Variants in ZBTB7C observed in about 807,000 individuals in gnomAD.
The protein encoded by ZBTB7C is zinc finger and BTB domain-containing protein 7C.
Under a neutral mutation model 25.7 loss-of-function variants are expected in ZBTB7C, and 8 were observed. The ratio of observed to expected loss-of-function variants is 0.31; its 90% confidence interval spans 0.18 to 0.56. ZBTB7C has a LOEUF of 0.56. ZBTB7C is among the 20% of genes least tolerant of loss of function. The pLI, the probability that ZBTB7C is intolerant of heterozygous loss-of-function variation, is 0.91. For missense variants in ZBTB7C, 824 were observed against 855.2 expected (o/e 0.96, Z 0.46); for synonymous variants, 394 against 369.0 (o/e 1.07, Z -0.78).
chr18:48,180,722 G>A (rs539658694), intron 3 of ZBTB7C, among the ~76,000 whole-genome samples: 18 of 152,296 alleles, frequency 1.2e-4, no homozygotes, highest in African/African-American at 3.9e-4. Context: ...TGAGCTACCA[G>A]GATCAGGTAT....
chr18:48,088,744 C>T (rs1188809558), intron 3 of ZBTB7C, among the ~76,000 whole-genome samples: 4 of 152,080 alleles, frequency 2.6e-5, no homozygotes, highest in Non-Finnish European at 4.4e-5. Context: ...GCACGAGAAT[C>T]GCTCAAACCT....
intron 3 of ZBTB7C, among the ~76,000 whole-genome samples, chr18:48,111,902 A>G (rs949595555): frequency 1.2e-4 from 18 of 152,228 alleles, no homozygotes; most frequent in African/African-American, 4.3e-4. Flanking sequence ...CCAGCCAGCA[A>G]TTCTACTTCT....
chr18:48,153,081 C>T (rs1326965408), intron 3 of ZBTB7C, among the ~76,000 whole-genome samples: 1 of 152,296 alleles, frequency 6.6e-6, no homozygotes, highest in South Asian at 2.1e-4. Flanking sequence ...AGAATCAACC[C>T]CATCTTTGTC....
chr18:48,407,880 T>C (rs2048317608), intron 1 of ZBTB7C, among the ~76,000 whole-genome samples: 1 of 152,056 alleles, frequency 6.6e-6, no homozygotes, highest in Non-Finnish European at 1.5e-5. Context: ...CTGGGAATAA[T>C]GATTTCTTTC....
intron 1 of ZBTB7C, among the ~76,000 whole-genome samples, chr18:48,398,637 C>T (rs2048084616): frequency 6.6e-6 from 1 of 152,128 alleles, no homozygotes; most frequent in African/African-American, 2.4e-5. Flanking sequence ...CTGTTCTCTT[C>T]TCCCATCAAA....
chr18:48,367,175 T>TTATA lies in ZBTB7C; in HGVS notation c.-303-28781_-303-28778dup, dbSNP rs71165321. Among the ~76,000 whole-genome samples, 572 of 61,994 alleles carry TTATA rather than the reference T, an allele frequency of 9.2e-3. 5 individuals are homozygous for TTATA. Among genetic ancestry groups the TTATA allele is most frequent in the Non-Finnish European group, 0.013 (405 of 31,622 alleles). The allele number at this position is 61,994 out of a possible 152,430, so 40.7% of individuals were successfully genotyped here. On this transcript the variant is annotated intron_variant, in intron 1 of 4. Coordinates refer to ENST00000590800, the MANE Select transcript of ZBTB7C (RefSeq NM_001318841.2). ...TTTCCCCTGTTCTTCTCCCCAAGTT[T>TTATA]TATATATATATATATATATATATAT...
intron 2 of ZBTB7C, among the ~76,000 whole-genome samples, chr18:48,230,709 A>C (rs2043227830): frequency 6.6e-6 from 1 of 152,210 alleles, no homozygotes; most frequent in African/African-American, 2.4e-5. Context: ...TGATAGTCCA[A>C]GGCGAAAGGG....
intron 2 of ZBTB7C, among the ~76,000 whole-genome samples, chr18:48,225,666 T>C (rs1032905229): frequency 3.9e-5 from 6 of 152,172 alleles, no homozygotes; most frequent in South Asian, 2.1e-4. Flanking sequence ...GACTCTGTAA[T>C]TTCTGGGCCC....
chr18:48,129,594 A>G (rs1328470360), intron 3 of ZBTB7C, among the ~76,000 whole-genome samples: 1 of 152,218 alleles, frequency 6.6e-6, no homozygotes, highest in Non-Finnish European at 1.5e-5. Flanking sequence ...ATGAAAAACA[A>G]AAAACTCTCA....
In ZBTB7C at chr18:48,045,368, G is replaced by A. The variant is rs181301731; in HGVS notation, c.-16-4245C>T. 9.2e-5 allele frequency among the ~76,000 whole-genome samples: 14 copies of A among 152,354 alleles called. 1 individual carries two copies. In the East Asian group the frequency reaches 9.6e-4, roughly 11 times the overall value. ...GTGGTGGTTTTGGCAAAGCTCTGCC[G>A]GGGGTAAGAAGAGAAGGGGAGAGAA... On this transcript the variant is annotated intron_variant, in intron 3 of 4. Coordinates refer to ENST00000590800, the MANE Select transcript of ZBTB7C (RefSeq NM_001318841.2).
chr18:48,409,922 A>G (rs2048364009), upstream of ZBTB7C, among the ~76,000 whole-genome samples: 1 of 149,130 alleles, frequency 6.7e-6, no homozygotes, highest in South Asian at 2.1e-4. Context: ...ACCCGCCCGC[A>G]CCCCCAGCGC....
intron 3 of ZBTB7C, among the ~76,000 whole-genome samples, chr18:48,184,190 A>G (rs1255260128): frequency 1.3e-5 from 2 of 152,180 alleles, no homozygotes; most frequent in Non-Finnish European, 2.9e-5. Flanking sequence ...AGCCCACGAA[A>G]GCCAGCAACA....
chr18:48,307,494 C>T lies in ZBTB7C; in HGVS notation c.-79+30680G>A, dbSNP rs192197680. Among the ~76,000 whole-genome samples the T allele has an allele frequency of 4.1e-3, 631 of 152,340 alleles. 4 individuals carry two copies. Among genetic ancestry groups the T allele is most frequent in the Non-Finnish European group, 3.8e-3 (259 of 68,036 alleles). On this transcript the variant is annotated intron_variant, in intron 2 of 4. Coordinates refer to ENST00000590800, the MANE Select transcript of ZBTB7C (RefSeq NM_001318841.2). ...TTAGACCTGAGCACTTCCAGCTAGA[C>T]GACTTATGATCATGGTATTTACTGC...
At chr18:48,057,282 T>C (rs2036956562) in intron 3 of ZBTB7C, among the ~76,000 whole-genome samples, 1 of 152,168 alleles carries the variant, frequency 6.6e-6, no homozygotes, top group South Asian at 2.1e-4. Context: ...TATGTTCAAC[T>C]TACATATAGG....
At chr18:48,085,848 G>T (rs973566505) in intron 3 of ZBTB7C, among the ~76,000 whole-genome samples, 3 of 152,032 alleles carry the variant, frequency 2.0e-5, no homozygotes, top group African/African-American at 7.2e-5. Flanking sequence ...GCCCTGCCTG[G>T]CTCCAGCAGC....
At chr18:48,065,249 A>G (rs2037282104) in intron 3 of ZBTB7C, among the ~76,000 whole-genome samples, 1 of 152,164 alleles carries the variant, frequency 6.6e-6, no homozygotes, top group East Asian at 1.9e-4. Flanking sequence ...CTTATTTGCA[A>G]CTATGAACTT....
At chr18:48,261,929 A>G (rs1189786658) in intron 2 of ZBTB7C, among the ~76,000 whole-genome samples, 3 of 152,218 alleles carry the variant, frequency 2.0e-5, no homozygotes, top group South Asian at 4.1e-4. Context: ...CTTGAACTGG[A>G]GCCATCTTAG....
At chr18:48,385,712 A>G (rs375558632) in intron 1 of ZBTB7C, among the ~76,000 whole-genome samples, 3 of 152,226 alleles carry the variant, frequency 2.0e-5, no homozygotes, top group East Asian at 3.9e-4. Context: ...TTTTCCAGCT[A>G]GCGGTTCAGA....
intron 2 of ZBTB7C, among the ~76,000 whole-genome samples, chr18:48,248,070 C>A (rs111804766): frequency 0.056 from 8,469 of 152,258 alleles, 373 homozygotes; most frequent in East Asian, 0.18. Flanking sequence ...TTGCCTGCCA[C>A]CATGTAAGAC....
Sources: gnomAD v4.1 joint callset for allele counts (sites outside exome capture counted in the v4.1 genomes callset) on GRCh38, gnomAD v4.1.1 for gene constraint, MANE v1.5 for transcripts, NCBI Gene and HGNC (gene_info 2026-07-23, HGNC 2026-07-21) for gene names.